SEL1L3: variants seen among roughly 807,000 people sequenced by gnomAD.
SEL1L3 encodes protein sel-1 homolog 3.
In SEL1L3, 76 loss-of-function variants were observed where a neutral mutation model predicts 142.8. That is an observed-to-expected ratio of 0.53 (90% CI 0.44 to 0.64). The LOEUF is 0.64. SEL1L3 is among the 30% of genes least tolerant of loss of function. The pLI, the probability that SEL1L3 is intolerant of heterozygous loss-of-function variation, is 0.00. For missense variants in SEL1L3, 1,262 were observed against 1,381.7 expected, an observed-to-expected ratio of 0.91 and a Z score of 1.37; for synonymous variants, 504 against 519.6, an observed-to-expected ratio of 0.97 and a Z score of 0.41.
chr4:25,778,393 T>C (rs1376796792), intron 16 of SEL1L3, among the ~76,000 whole-genome samples: 2 of 151,986 alleles, frequency 1.3e-5, no homozygotes, highest in Non-Finnish European at 2.9e-5. Context: ...GGAGGAGAAT[T>C]TGGAGATCAA....
At chr4:25,825,481 G>A (rs1394211347) in intron 6 of SEL1L3, among the ~76,000 whole-genome samples, 7 of 151,954 alleles carry the variant, frequency 4.6e-5, no homozygotes, top group South Asian at 4.2e-4. Context: ...GTTTATTACC[G>A]CAGAGCACCA....
chr4:25,803,516 A>C (rs539947468), intron 10 of SEL1L3, among the ~76,000 whole-genome samples: 1 of 152,350 alleles, frequency 6.6e-6, no homozygotes, highest in South Asian at 2.1e-4. Flanking sequence ...GCGATGGTTC[A>C]TTTGGTGTGT....
chr4:25,717,380 ATTG>A, the SEL1L3 span, among the ~76,000 whole-genome samples: 1 of 152,266 alleles, frequency 6.6e-6, no homozygotes, highest in East Asian at 1.9e-4. Flanking sequence ...AAAACCAATG[ATTG>A]TGCAGGGCAC....
chr4:25,734,195 T>TTTTG, the SEL1L3 span, among the ~76,000 whole-genome samples: 11 of 152,094 alleles, frequency 7.2e-5, no homozygotes, highest in East Asian at 3.9e-4. Context: ...AGCTAATGTT[T>TTTTG]TTTGTTTGTT....
intron 9 of SEL1L3, among the ~76,000 whole-genome samples, chr4:25,812,306 C>T (rs913417542): frequency 6.6e-6 from 1 of 152,220 alleles, no homozygotes; most frequent in Non-Finnish European, 1.5e-5. Flanking sequence ...TCCTGTCTCC[C>T]CAGGCAGATG....
intron 1 of SEL1L3, among the ~76,000 whole-genome samples, chr4:25,853,155 C>A (rs1383755828): frequency 6.6e-6 from 1 of 152,104 alleles, no homozygotes; most frequent in Non-Finnish European, 1.5e-5. Context: ...GCAGGAGGAT[C>A]ACTTGAGCCT....
chr4:25,853,960 C>T (rs1717072398), intron 1 of SEL1L3, among the ~76,000 whole-genome samples: 1 of 152,186 alleles, frequency 6.6e-6, no homozygotes, highest in Admixed American at 6.5e-5. Context: ...GTGTGAGCCA[C>T]TGCCCCCGGC....
At chr4:25,843,175 A>G (rs1716280099) in intron 2 of SEL1L3, among the ~76,000 whole-genome samples, 1 of 151,616 alleles carries the variant, frequency 6.6e-6, no homozygotes, top group South Asian at 2.1e-4. Flanking sequence ...ATTCCCACAG[A>G]GTAAGGGGCA....
At chr4:25,857,803 T>C (rs1717373104) in intron 1 of SEL1L3, among the ~76,000 whole-genome samples, 2 of 152,248 alleles carry the variant, frequency 1.3e-5, no homozygotes, top group African/African-American at 2.4e-5. Context: ...GGCTACAGGG[T>C]TGGGGAATCT....
chr4:25,727,762 G>A, the SEL1L3 span, among the ~76,000 whole-genome samples: 1 of 152,316 alleles, frequency 6.6e-6, no homozygotes, highest in East Asian at 1.9e-4. Context: ...TGGCACTCCA[G>A]GTGCAGACAG....
intron 2 of SEL1L3, among the ~76,000 whole-genome samples, chr4:25,843,128 C>T (rs941133144): frequency 6.6e-6 from 1 of 152,046 alleles, no homozygotes; most frequent in Non-Finnish European, 1.5e-5. Context: ...GAAGGGTGTG[C>T]GTGGTGGGAC....
At chr4:25,777,970 T>C in intron 16 of SEL1L3, 1 of 407,216 alleles carries the variant, frequency 2.5e-6, no homozygotes, top group South Asian at 1.8e-5. Flanking sequence ...CTTTATTTGT[T>C]TTATAACTCC....
the SEL1L3 span, among the ~76,000 whole-genome samples, chr4:25,737,262 C>T: frequency 5.3e-4 from 80 of 152,322 alleles, 1 homozygote; most frequent in East Asian, 0.012. Flanking sequence ...GGATTACAGG[C>T]GTGAGTCACC....
At chr4:25,810,407 T>C (rs951293885) in intron 9 of SEL1L3, among the ~76,000 whole-genome samples, 1 of 152,180 alleles carries the variant, frequency 6.6e-6, no homozygotes, top group East Asian at 1.9e-4. Context: ...ATCGCATCTC[T>C]TCTCTGGATG....
intron 10 of SEL1L3, among the ~76,000 whole-genome samples, chr4:25,803,496 A>C (rs1275866135): frequency 3.9e-5 from 6 of 152,364 alleles, no homozygotes; most frequent in African/African-American, 1.4e-4. Flanking sequence ...AACATTTAGC[A>C]GTGCTTATTG....
the SEL1L3 span, among the ~76,000 whole-genome samples, chr4:25,724,715 C>T: frequency 1.5e-4 from 16 of 103,606 alleles, no homozygotes; most frequent in South Asian, 3.6e-4. Context: ...CCAGCCTTGG[C>T]GACAGAGCCA....
chr4:25,782,711 T>A (rs796939932), intron 14 of SEL1L3, among the ~76,000 whole-genome samples: 3 of 152,272 alleles, frequency 2.0e-5, no homozygotes, highest in African/African-American at 7.2e-5. Context: ...AACACGCTTG[T>A]CTACAAAAGG....
chr4:25,823,801 T>C (rs1714923520), intron 6 of SEL1L3, among the ~76,000 whole-genome samples: 1 of 152,024 alleles, frequency 6.6e-6, no homozygotes, highest in Non-Finnish European at 1.5e-5. Context: ...GGAGTGACGA[T>C]GGATGGGGAC....
the SEL1L3 span, among the ~76,000 whole-genome samples, chr4:25,728,284 C>T: frequency 6.6e-6 from 1 of 152,140 alleles, no homozygotes; most frequent in South Asian, 2.1e-4. Context: ...GTTCTGGTGG[C>T]CACATTCTCT....
Sources: allele counts gnomAD v4.1 joint callset (sites outside exome capture counted in the v4.1 genomes callset), GRCh38; gene constraint gnomAD v4.1.1; transcripts MANE v1.5; gene names NCBI Gene and HGNC (gene_info 2026-07-23, HGNC 2026-07-21).